The following SORCS3 variants were observed in gnomAD, a reference collection of about 807,000 sequenced individuals.
The protein encoded by SORCS3 is sortilin related VPS10 domain containing receptor 3, also known as VPS10 domain-containing receptor SorCS3.
In SORCS3, 57 loss-of-function variants were observed where a neutral mutation model predicts 146.3. The ratio of observed to expected loss-of-function variants is 0.39; its 90% CI spans 0.31 to 0.49. SORCS3 has a LOEUF of 0.49. SORCS3 is among the 20% of genes least tolerant of loss of function. The pLI, the probability that SORCS3 is intolerant of heterozygous loss-of-function variation, is 0.92. For missense variants in SORCS3, 1,341 were observed against 1,575.5 expected, an observed-to-expected ratio of 0.85 and a Z score of 2.52; for synonymous variants, 653 against 618.5, an observed-to-expected ratio of 1.06 and a Z score of -0.83.
intron 11 of SORCS3, among the ~76,000 whole-genome samples, chr10:105,163,660 G>A (rs1234606003): frequency 6.6e-6 from 1 of 152,172 alleles, no homozygotes; most frequent in Non-Finnish European, 1.5e-5. Flanking sequence ...AGAGGAGAGT[G>A]TGAAGGGATG....
chr10:105,027,666 C>A (rs1238295326), intron 4 of SORCS3, among the ~76,000 whole-genome samples: 1 of 152,210 alleles, frequency 6.6e-6, no homozygotes. Flanking sequence ...ACAAGCAACA[C>A]TCTGCCTTCT....
chr10:104,856,404 A>C (rs2018332328), intron 2 of SORCS3, among the ~76,000 whole-genome samples: 1 of 147,120 alleles, frequency 6.8e-6, no homozygotes, highest in African/African-American at 2.6e-5. Flanking sequence ...AGAGAGAGAG[A>C]CCACTGTTAT....
chr10:105,124,754 T>TATAG (rs1377487467), intron 7 of SORCS3, among the ~76,000 whole-genome samples: 2 of 152,152 alleles, frequency 1.3e-5, no homozygotes, highest in African/African-American at 4.8e-5. Flanking sequence ...CCTCTCCCTC[T>TATAG]AGCCTTGTAA....
chr10:104,749,226 GGTGTGTGTGTGT>G lies in SORCS3; in HGVS notation c.628-93535_628-93524del, dbSNP rs60550253. ...GTACCTTGTTCTGTGCAAAGTATAG[GGTGTGTGTGTGT>G]GTGTGTGTGTGTGTGTGTGTGTGTG... On this transcript the variant is annotated intron_variant, in intron 1 of 26. Transcript: ENST00000369701. Among the ~76,000 whole-genome samples the G allele has an allele frequency of 6.5e-3, 912 of 140,994 alleles. 17 individuals carry two copies. Among genetic ancestry groups the G allele is most frequent in the African/African-American group, 0.022 (852 of 38,452 alleles). 92.5% of individuals were successfully genotyped at this position (140,994 alleles called of 152,430 possible).
intron 5 of SORCS3, among the ~76,000 whole-genome samples, chr10:105,076,170 A>G (rs1019900421): frequency 2.6e-5 from 4 of 152,238 alleles, no homozygotes; most frequent in Admixed American, 2.6e-4. Context: ...GAAGGTTCAG[A>G]GAGGTTAACT....
intron 3 of SORCS3, among the ~76,000 whole-genome samples, chr10:104,968,241 G>A (rs148304136): frequency 0.011 from 1,609 of 152,198 alleles, 27 homozygotes; most frequent in African/African-American, 0.037. Flanking sequence ...TCAGCCTCCT[G>A]AATAGCTGGG....
At chr10:104,781,789 C>G (rs1333391335) in intron 1 of SORCS3, among the ~76,000 whole-genome samples, 34 of 152,198 alleles carry the variant, frequency 2.2e-4, no homozygotes, top group Non-Finnish European at 5.9e-5. Context: ...GCTCATCAGG[C>G]CTGATTTGGG....
chr10:104,898,039 T>G lies in SORCS3; in HGVS notation c.696-17794T>G, dbSNP rs1304570626. ...GGCTTAGGGTAGGTTTGTGGTGGCT[T>G]CTCTGTAAGGCTTCCAGTTTCTTTA... is the stretch of plus-strand genomic sequence containing the variant. On this transcript the variant is annotated intron_variant, in intron 2 of 26. Transcript: ENST00000369701. 2.0e-5 allele frequency among the ~76,000 whole-genome samples: 3 copies of G among 152,210 alleles called. No homozygotes were observed. In the East Asian group the frequency reaches 5.8e-4, roughly 29 times the overall value.
intron 17 of SORCS3, 118 bp downstream of exon 17, chr10:105,211,368 A>G: frequency 1.4e-6 from 1 of 715,156 alleles, no homozygotes; most frequent in South Asian, 1.7e-5. Context: ...GTTTATAACA[A>G]ATGGCATTTG....
chr10:104,799,424 C>A (rs1385349099), intron 1 of SORCS3, among the ~76,000 whole-genome samples: 1 of 152,130 alleles, frequency 6.6e-6, no homozygotes, highest in African/African-American at 2.4e-5. Context: ...AACCATCAGT[C>A]TCAGCAAGCT....
intron 16 of SORCS3, among the ~76,000 whole-genome samples, chr10:105,207,501 C>T (rs768912004): frequency 1.1e-4 from 17 of 152,084 alleles, no homozygotes; most frequent in Admixed American, 6.6e-5. Context: ...TAGACTTCCC[C>T]GAGGCAAATC....
At chr10:104,871,818 G>T (rs1361444909) in intron 2 of SORCS3, among the ~76,000 whole-genome samples, 1 of 152,204 alleles carries the variant, frequency 6.6e-6, no homozygotes, top group Non-Finnish European at 1.5e-5. Flanking sequence ...AGGGCAGGGA[G>T]TTCCTGGGGT....
At chr10:104,805,870 TTTAC>T (rs2017674765) in intron 1 of SORCS3, among the ~76,000 whole-genome samples, 1 of 152,154 alleles carries the variant, frequency 6.6e-6, no homozygotes, top group Non-Finnish European at 1.5e-5. Flanking sequence ...CTTTCCCCTC[TTTAC>T]TTATTCTTTT....
At position 105,226,380 on chromosome 10, in the gene SORCS3, T is replaced by G. The variant is rs550032155; in HGVS notation, c.2868+3131T>G. Among the ~76,000 whole-genome samples the G allele has an allele frequency of 2.6e-5, 4 of 152,190 alleles. No individual in the cohort carries two copies. In the South Asian group the frequency reaches 8.3e-4, roughly 32 times the overall value. The stretch of plus-strand genomic sequence containing the variant: ...ATTTATTGGCTTGTGTATGTTAAAT[T>G]ATACTTGCATCCCTGGGATAAATTC... On this transcript the variant is annotated intron_variant, in intron 20 of 26. Coordinates refer to ENST00000369701, the MANE Select transcript of SORCS3 (RefSeq NM_014978.3).
At chr10:104,650,458 G>C (rs116674960) in intron 1 of SORCS3, among the ~76,000 whole-genome samples, 38 of 152,218 alleles carry the variant, frequency 2.5e-4, no homozygotes, top group Admixed American at 1.2e-3. Flanking sequence ...TCCTGGGGGG[G>C]GCTGATCATT....
At chr10:105,188,249 T>G (rs2056491647) in intron 14 of SORCS3, among the ~76,000 whole-genome samples, 1 of 152,210 alleles carries the variant, frequency 6.6e-6, no homozygotes. Flanking sequence ...CAGATTTTTT[T>G]AGTTTTCAAA....
intron 1 of SORCS3, among the ~76,000 whole-genome samples, chr10:104,824,993 C>G (rs192512043): frequency 6.6e-6 from 1 of 152,196 alleles, no homozygotes; most frequent in Admixed American, 6.5e-5. Context: ...ATCTTCCCAT[C>G]GCGGAGGCTG....
At chr10:105,049,857 C>A (rs1317776025) in intron 5 of SORCS3, among the ~76,000 whole-genome samples, 1 of 152,054 alleles carries the variant, frequency 6.6e-6, no homozygotes, top group East Asian at 1.9e-4. Flanking sequence ...CTATTGGGTA[C>A]TATGCTTACT....
At chr10:105,233,793 T>C (rs1431059942) in intron 20 of SORCS3, among the ~76,000 whole-genome samples, 1 of 152,222 alleles carries the variant, frequency 6.6e-6, no homozygotes, top group Non-Finnish European at 1.5e-5. Flanking sequence ...CCACATCTTC[T>C]TTATCCAGTC....
Sources: gnomAD v4.1 joint callset for allele counts (sites outside exome capture counted in the v4.1 genomes callset) on GRCh38, gnomAD v4.1.1 for gene constraint, MANE v1.5 for transcripts, NCBI Gene and HGNC (gene_info 2026-07-23, HGNC 2026-07-21) for gene names.